Variants in PPARGC1A observed in about 807,000 individuals in gnomAD.
The protein encoded by PPARGC1A is PPARG coactivator 1 alpha.
PPARGC1A carries 25 observed loss-of-function variants against 88.7 expected under a neutral mutation model. That is an observed-to-expected ratio of 0.28 (90% CI 0.21 to 0.39). PPARGC1A has a LOEUF of 0.39. Ranked by LOEUF, PPARGC1A falls within the 10% of genes least tolerant of loss-of-function variation. PPARGC1A has a pLI of 1.00. For synonymous variants in PPARGC1A, 363 were observed against 355.6 expected (o/e 1.02, Z -0.24); for missense variants, 880 against 968.7 (o/e 0.91, Z 1.22).
chr4:23,843,218 T>C (rs1727374385), intron 2 of PPARGC1A, among the ~76,000 whole-genome samples: 1 of 152,120 alleles, frequency 6.6e-6, no homozygotes, highest in African/African-American at 2.4e-5. Flanking sequence ...GATTTTCTTC[T>C]ATATATTTTC....
At chr4:24,276,970 C>T in the PPARGC1A span, among the ~76,000 whole-genome samples, 2 of 152,192 alleles carry the variant, frequency 1.3e-5, no homozygotes, top group South Asian at 2.1e-4. Context: ...CTTCTGAGTA[C>T]AGACCGCCCT....
chr4:23,956,069 T>TTTG, the PPARGC1A span, among the ~76,000 whole-genome samples: 1 of 152,148 alleles, frequency 6.6e-6, no homozygotes. Context: ...TTTCATATAA[T>TTTG]TGTTATATAA....
chr4:24,292,042 TGAA>T, the PPARGC1A span, among the ~76,000 whole-genome samples: 34 of 151,998 alleles, frequency 2.2e-4, no homozygotes, highest in Admixed American at 1.1e-3. Flanking sequence ...AAGAAGTGAG[TGAA>T]GAAGAAGGTG....
At chr4:24,261,443 T>C in the PPARGC1A span, among the ~76,000 whole-genome samples, 3 of 152,200 alleles carry the variant, frequency 2.0e-5, no homozygotes, top group Non-Finnish European at 2.9e-5. Context: ...GGAACCAAGA[T>C]ACCCATCTCT....
At chr4:24,235,923 T>C in the PPARGC1A span, among the ~76,000 whole-genome samples, 2 of 152,268 alleles carry the variant, frequency 1.3e-5, no homozygotes, top group East Asian at 1.9e-4. Context: ...GTGGAGAAAC[T>C]GCAAGTTTTT....
the PPARGC1A span, among the ~76,000 whole-genome samples, chr4:24,154,306 C>T: frequency 8.5e-3 from 1,291 of 152,312 alleles, 12 homozygotes; most frequent in African/African-American, 0.029. Context: ...CTGAGCTTTG[C>T]TCTCTTCAAA....
the PPARGC1A span, among the ~76,000 whole-genome samples, chr4:23,945,128 G>C: frequency 2.7e-5 from 4 of 149,960 alleles, no homozygotes; most frequent in South Asian, 2.1e-4. Context: ...CTCTGTCTCT[G>C]TCTCTCTCTC....
At chr4:24,227,150 T>C in the PPARGC1A span, among the ~76,000 whole-genome samples, 1 of 151,928 alleles carries the variant, frequency 6.6e-6, no homozygotes, top group South Asian at 2.1e-4. Flanking sequence ...AGTGGTGCGA[T>C]CTCGGCTCAC....
At chr4:23,914,215 G>GGCAT in the PPARGC1A span, among the ~76,000 whole-genome samples, 1 of 152,086 alleles carries the variant, frequency 6.6e-6, no homozygotes, top group African/African-American at 2.4e-5. Context: ...CTGTGTTTCA[G>GGCAT]GCATTGTTGT....
At chr4:24,420,564 A>C in the PPARGC1A span, among the ~76,000 whole-genome samples, 45,515 of 151,974 alleles carry the variant, frequency 0.3, 7,137 homozygotes, top group Non-Finnish European at 0.33. Context: ...CTGGGATTCC[A>C]AGTCACAAAA....
At chr4:24,175,070 C>G in the PPARGC1A span, among the ~76,000 whole-genome samples, 1 of 152,174 alleles carries the variant, frequency 6.6e-6, no homozygotes, top group Non-Finnish European at 1.5e-5. Context: ...TCCACACAGT[C>G]CCCTACAGAG....
the PPARGC1A span, among the ~76,000 whole-genome samples, chr4:23,990,109 T>C: frequency 9.5e-6 from 1 of 104,744 alleles, no homozygotes; most frequent in African/African-American, 3.3e-5. Context: ...TAATTATGTA[T>C]ATATAATATA....
the PPARGC1A span, among the ~76,000 whole-genome samples, chr4:23,951,675 A>C: frequency 3.3e-5 from 5 of 152,154 alleles, no homozygotes; most frequent in African/African-American, 4.8e-5. Flanking sequence ...CCTACATCTG[A>C]GTTAGATGAA....
chr4:24,251,376 C>G, the PPARGC1A span, among the ~76,000 whole-genome samples: 1 of 152,174 alleles, frequency 6.6e-6, no homozygotes, highest in Non-Finnish European at 1.5e-5. Context: ...GAATCTTCTA[C>G]ACGAACAACA....
At chr4:24,294,714 A>G in the PPARGC1A span, among the ~76,000 whole-genome samples, 4 of 152,218 alleles carry the variant, frequency 2.6e-5, no homozygotes, top group Non-Finnish European at 5.9e-5. Context: ...GTCCAATTTT[A>G]ATCTCTTCCT....
At chr4:24,203,018 G>T in the PPARGC1A span, among the ~76,000 whole-genome samples, 1 of 152,186 alleles carries the variant, frequency 6.6e-6, no homozygotes, top group African/African-American at 2.4e-5. Flanking sequence ...CTCCAGAAAG[G>T]TTTGTGGCCC....
the PPARGC1A span, among the ~76,000 whole-genome samples, chr4:24,028,997 C>T: frequency 6.6e-6 from 1 of 152,126 alleles, no homozygotes; most frequent in South Asian, 2.1e-4. Flanking sequence ...AGAGGGAATC[C>T]TTTCCCACAA....
chr4:23,888,952 A>T (rs984921331), intron 1 of PPARGC1A: 1 of 985,218 alleles, frequency 1.0e-6, no homozygotes, highest in Non-Finnish European at 1.2e-6. Flanking sequence ...GAGTCCACAG[A>T]AAGTTTTGCT....
chr4:24,123,570 T>A, the PPARGC1A span, among the ~76,000 whole-genome samples: 3 of 151,732 alleles, frequency 2.0e-5, no homozygotes, highest in Admixed American at 2.0e-4. Context: ...GGACTGAGGT[T>A]AAAAAAAAGG....
Sources: allele counts gnomAD v4.1 joint callset (sites outside exome capture counted in the v4.1 genomes callset), GRCh38; gene constraint gnomAD v4.1.1; transcripts MANE v1.5; gene names NCBI Gene and HGNC (gene_info 2026-07-23, HGNC 2026-07-21).